Variants in CCBE1 observed in about 807,000 individuals in gnomAD.
CCBE1 encodes the protein collagen and calcium binding EGF domains 1.
CCBE1 carries 37 observed loss-of-function variants against 50.0 expected under a neutral mutation model. The observed-to-expected ratio is 0.74, with a 90% confidence interval of 0.57 to 0.97. The LOEUF (loss-of-function observed/expected upper bound fraction) is 0.97, where lower values mean the gene tolerates loss of function less well. CCBE1 is among the 50% of genes least tolerant of loss of function. The pLI, the probability that CCBE1 is intolerant of heterozygous loss-of-function variation, is 0.00. For synonymous variants in CCBE1, 234 were observed against 203.7 expected, an observed-to-expected ratio of 1.15 and a Z score of -1.27; for missense variants, 538 against 523.8, an observed-to-expected ratio of 1.03 and a Z score of -0.26.
chr18:59,625,496 C>G (rs1156409214), intron 2 of CCBE1, among the ~76,000 whole-genome samples: 1 of 149,944 alleles, frequency 6.7e-6, no homozygotes, highest in East Asian at 2.0e-4. Flanking sequence ...TCTGGAGATT[C>G]ATCATCTTAT....
chr18:59,520,394 G>A (rs1914547880), intron 2 of CCBE1, among the ~76,000 whole-genome samples: 1 of 152,100 alleles, frequency 6.6e-6, no homozygotes, highest in Non-Finnish European at 1.5e-5. Context: ...TGCATCCCTT[G>A]GTCCGTCAAC....
intron 2 of CCBE1, among the ~76,000 whole-genome samples, chr18:59,492,316 C>T (rs988996148): frequency 3.9e-5 from 6 of 152,022 alleles, no homozygotes; most frequent in Non-Finnish European, 1.5e-5. Context: ...GTGACAGAGC[C>T]GTTTTCCCAT....
chr18:59,491,916 C>A (rs1446739718), intron 2 of CCBE1, among the ~76,000 whole-genome samples: 2 of 151,690 alleles, frequency 1.3e-5, no homozygotes, highest in South Asian at 2.1e-4. Flanking sequence ...GAGGCCGAGG[C>A]GAGTGGATTG....
At chr18:59,483,258 G>C (rs1238969350) in intron 2 of CCBE1, among the ~76,000 whole-genome samples, 1 of 152,052 alleles carries the variant, frequency 6.6e-6, no homozygotes, top group African/African-American at 2.4e-5. Context: ...AATTATTTAA[G>C]ATCATTATTT....
chr18:59,621,442 C>T (rs961479505), intron 2 of CCBE1, among the ~76,000 whole-genome samples: 1 of 152,348 alleles, frequency 6.6e-6, no homozygotes, highest in East Asian at 1.9e-4. Context: ...CCCAGTGGAG[C>T]TGCTCATAGA....
At chr18:59,666,970 A>G (rs966285305) in intron 2 of CCBE1, among the ~76,000 whole-genome samples, 1 of 152,166 alleles carries the variant, frequency 6.6e-6, no homozygotes, top group African/African-American at 2.4e-5. Context: ...GTCTCAAAAA[A>G]TAAATAAATA....
At chr18:59,462,251 G>A (rs905143056) in intron 5 of CCBE1, among the ~76,000 whole-genome samples, 1 of 152,134 alleles carries the variant, frequency 6.6e-6, no homozygotes, top group African/African-American at 2.4e-5. Context: ...TTCATCTGCT[G>A]ATATCAACAT....
intron 2 of CCBE1, among the ~76,000 whole-genome samples, chr18:59,524,451 T>A (rs1914734569): frequency 6.6e-6 from 1 of 152,244 alleles, no homozygotes; most frequent in African/African-American, 2.4e-5. Flanking sequence ...AGATGTTTCT[T>A]GTAATAAACC....
chr18:59,445,632 A>G (rs1212875079), intron 7 of CCBE1, among the ~76,000 whole-genome samples: 1 of 152,190 alleles, frequency 6.6e-6, no homozygotes, highest in Non-Finnish European at 1.5e-5. Context: ...AAAGCAGTCG[A>G]TGTTCCATCC....
intron 2 of CCBE1, among the ~76,000 whole-genome samples, chr18:59,624,240 G>A (rs1373605804): frequency 1.3e-5 from 2 of 152,140 alleles, no homozygotes; most frequent in African/African-American, 2.4e-5. Flanking sequence ...ATTCTTATTG[G>A]CTAGACCTTC....
chr18:59,547,818 A>G (rs1915766069), intron 2 of CCBE1, among the ~76,000 whole-genome samples: 1 of 152,208 alleles, frequency 6.6e-6, no homozygotes, highest in South Asian at 2.1e-4. Flanking sequence ...GTGCTGGGGC[A>G]CTAGGAAGGC....
chr18:59,487,278 C>T (rs866613275), intron 2 of CCBE1, among the ~76,000 whole-genome samples: 4 of 151,412 alleles, frequency 2.6e-5, no homozygotes, highest in Admixed American at 2.6e-4. Flanking sequence ...ATTTTTTTGC[C>T]AGAAAGTACA....
intron 2 of CCBE1, among the ~76,000 whole-genome samples, chr18:59,679,158 C>T (rs2054551130): frequency 6.6e-6 from 1 of 152,130 alleles, no homozygotes; most frequent in South Asian, 2.1e-4. Flanking sequence ...CAGTGATCTG[C>T]TCTACCACAA....
chr18:59,607,096 A>G (rs565511933), intron 2 of CCBE1, among the ~76,000 whole-genome samples: 1 of 151,578 alleles, frequency 6.6e-6, no homozygotes, highest in African/African-American at 2.4e-5. Context: ...TACTCACTGC[A>G]TCAGTCAGTC....
At chr18:59,608,908 T>C (rs1039831861) in intron 2 of CCBE1, among the ~76,000 whole-genome samples, 2 of 152,232 alleles carry the variant, frequency 1.3e-5, no homozygotes, top group African/African-American at 4.8e-5. Flanking sequence ...TCTCTCATTA[T>C]CCAGTCTTTG....
intron 2 of CCBE1, among the ~76,000 whole-genome samples, chr18:59,535,888 A>G (rs1009842814): frequency 1.3e-5 from 2 of 152,168 alleles, no homozygotes; most frequent in Non-Finnish European, 2.9e-5. Flanking sequence ...GGAAAAGTCT[A>G]TGTTGCCCAA....
At chr18:59,636,692 G>C (rs890397242) in intron 2 of CCBE1, among the ~76,000 whole-genome samples, 1 of 152,110 alleles carries the variant, frequency 6.6e-6, no homozygotes, top group Non-Finnish European at 1.5e-5. Context: ...CACACTAAAG[G>C]AAAGTCTTCA....
At chr18:59,600,157 C>A (rs541013419) in intron 2 of CCBE1, among the ~76,000 whole-genome samples, 1 of 152,072 alleles carries the variant, frequency 6.6e-6, no homozygotes, top group African/African-American at 2.4e-5. Context: ...TGTTAGGAAC[C>A]GGGCTGTGGG....
chr18:59,468,851 T>C (rs12964123), intron 4 of CCBE1, among the ~76,000 whole-genome samples: 30,704 of 149,310 alleles, frequency 0.21, 3,392 homozygotes, highest in South Asian at 0.26. Flanking sequence ...TTTTTTTTTT[T>C]CCCCAAACGA....
Sources: gnomAD v4.1 joint callset for allele counts (sites outside exome capture counted in the v4.1 genomes callset) on GRCh38, gnomAD v4.1.1 for gene constraint, MANE v1.5 for transcripts, NCBI Gene and HGNC (gene_info 2026-07-23, HGNC 2026-07-21) for gene names.